The following ADAMTSL4 variants were observed in gnomAD, a reference collection of about 807,000 sequenced individuals.
ADAMTSL4 encodes the protein ADAMTS-like protein 4.
Under a neutral mutation model 122.8 loss-of-function variants are expected in ADAMTSL4, and 97 were observed. The ratio of observed to expected loss-of-function variants is 0.79; its 90% CI spans 0.67 to 0.93. The LOEUF is 0.93. ADAMTSL4 is among the 40% of genes least tolerant of loss of function. The probability of loss-of-function intolerance (pLI) is 0.00; values close to 1 mark genes in which losing one functional copy is unlikely to be tolerated. For missense variants in ADAMTSL4, 1,408 were observed against 1,453.5 expected (o/e 0.97, Z 0.51); for synonymous variants, 592 against 568.0 (o/e 1.04, Z -0.60).
intron 15 of ADAMTSL4, 33 bp downstream of exon 15, chr1:150,558,682 C>T (rs759339147): frequency 1.2e-6 from 2 of 1,613,864 alleles, no homozygotes. Flanking sequence ...TATCCTGCAT[C>T]CTGGGTAACC....
rs769159437 is a variant in ADAMTSL4, at chr1:150,554,154, C to T, written c.1131+32C>T. 24 of 1,595,846 alleles carry T rather than the reference C, an allele frequency of 1.5e-5. No individual in the cohort carries two copies. The highest frequency in any genetic ancestry group is 2.7e-5 in the African/African-American group (2 of 74,944). ...CTCCTCGGGCCTCCCCTCCCAACCC[C>T]GACCTCCAGTGTGGCTTCCCTGCCC... On this transcript the variant is annotated intron_variant, in intron 6 of 18. Coordinates refer to ENST00000271643, the MANE Select transcript of ADAMTSL4 (RefSeq NM_019032.6). This position sits in a 1 kb window ranked among gnomAD's most constrained non-coding sequence, Gnocchi z 4.0.
intron 13 of ADAMTSL4, 116 bp downstream of exon 13, chr1:150,557,739 C>T: frequency 7.2e-7 from 1 of 1,379,784 alleles, no homozygotes; most frequent in Non-Finnish European, 9.8e-7. Flanking sequence ...AGAGAGACAA[C>T]ATTAGATTAG....
rs1324203651 is a variant in ADAMTSL4 at position 150,554,643 on chromosome 1, T to A, written c.1234+176T>A. The A allele has an allele frequency of 6.5e-7, 1 of 1,541,156 alleles. No homozygotes were observed. Among genetic ancestry groups the A allele is most frequent in the Non-Finnish European group, 8.7e-7 (1 of 1,146,878 alleles). Reference sequence around the variant, plus strand: ...AGGAGACAGCACAGGTGGTGAGTGGTCTGCAGAAGGGTCGGGGTGGGAGGA... The same window carrying A: ...AGGAGACAGCACAGGTGGTGAGTGGACTGCAGAAGGGTCGGGGTGGGAGGA... On this transcript the variant is annotated intron_variant, in intron 7 of 18. Transcript: ENST00000271643. The surrounding 1 kb of genome is among the most constrained non-coding windows in gnomAD (Gnocchi z 4.0).
In ADAMTSL4 at chr1:150,558,525, G is replaced by C; in HGVS notation, c.2435G>C (p.Gly812Ala). ...AGAAGCCGGCAGGTTCGCTGTGTTG[G>C]GAACAATGGTGATGAAGTGAGCGAG... The part of the protein sequence containing the change: ...GQRSRQVRCV[G>A]NNGDEVSEQE... Residue 812 changes from glycine (G) to alanine (A), a missense_variant, in exon 15 of 19, where the codon GGG becomes GCG. Transcript: ENST00000271643. 1 of 1,613,872 alleles carries C rather than the reference G, an allele frequency of 6.2e-7. No individual in the cohort carries two copies. Among genetic ancestry groups the C allele is most frequent in the Non-Finnish European group, 8.5e-7 (1 of 1,179,984 alleles).
At position 150,558,902 on chromosome 1, in the gene ADAMTSL4, A is replaced by G. The variant is rs989414572; in HGVS notation, c.2560-60A>G. 9 of 1,549,452 alleles carry G rather than the reference A, an allele frequency of 5.8e-6. No homozygotes were observed. In the African/African-American group the frequency reaches 1.2e-4, roughly 21 times the overall value. ...AGGATGCGTCCCTCCCTGCCCCCCT[A>G]CTGTCCCTTGTGCCAGTCACCAGCA... On this transcript the variant is annotated intron_variant, in intron 15 of 18. Transcript: ENST00000271643.
chr1:150,560,451 G>A lies in ADAMTSL4; in HGVS notation c.*255G>A. 4 of 575,004 alleles carry A rather than the reference G, an allele frequency of 7.0e-6. No homozygotes were observed. The highest frequency in any genetic ancestry group is 3.0e-5 in the Admixed American group (1 of 32,934). 35.6% of individuals were successfully genotyped at this position (575,004 alleles called of 1,614,324 possible). A position where few individuals can be genotyped will look rare whatever the true frequency, so the allele number is the denominator to read the frequency against. ...TGCATGGATATGTGTGTGCTCAAAC[G>A]TGTATCACTTTTCAAAAAGAGGTTA... On this transcript the variant is annotated 3_prime_UTR_variant, in exon 19 of 19. Coordinates refer to ENST00000271643, the MANE Select transcript of ADAMTSL4 (RefSeq NM_019032.6).
In ADAMTSL4 at chr1:150,559,466, A is replaced by G; in HGVS notation, c.2943A>G (p.Pro981=). Residue 981 remains proline (P), a splice_region_variant and synonymous_variant, in exon 17 of 19, where the codon CCA becomes CCG. Coordinates refer to ENST00000271643, the MANE Select transcript of ADAMTSL4 (RefSeq NM_019032.6). This position sits in a 1 kb window ranked among gnomAD's most constrained non-coding sequence, Gnocchi z 4.1. ...GATGGTTTTCCACGCCCTGGAGCCC[A>G]GTGAGTGTCTGGCTGCGCTGTCCTG... ...QDRWFSTPWS[P]CSRSCQGGTQ... 2 of 1,613,118 alleles carry G rather than the reference A, an allele frequency of 1.2e-6. No individual in the cohort carries two copies. The highest frequency in any genetic ancestry group is 1.7e-6 in the Non-Finnish European group (2 of 1,179,938).
rs760191080 is a variant in ADAMTSL4 at position 150,559,493 on chromosome 1, C to T, written c.2943+27C>T. On this transcript the variant is annotated intron_variant, in intron 17 of 18. Coordinates refer to ENST00000271643, the MANE Select transcript of ADAMTSL4 (RefSeq NM_019032.6). This position sits in a 1 kb window ranked among gnomAD's most constrained non-coding sequence, Gnocchi z 4.1. Reference sequence around the variant, plus strand: ...TGAGTGTCTGGCTGCGCTGTCCTGCCCTGCTCAGCCTGGGCCCCTAGGGGA... The same window carrying T: ...TGAGTGTCTGGCTGCGCTGTCCTGCTCTGCTCAGCCTGGGCCCCTAGGGGA... 16 of 1,611,784 alleles carry T rather than the reference C, an allele frequency of 9.9e-6. No homozygotes were observed. In the South Asian group the frequency reaches 1.4e-4, roughly 14 times the overall value.
Position 150,556,587 on chromosome 1 carries a change from TG to T in ADAMTSL4, c.1577-32del, listed in dbSNP as rs1672148009. 3.1e-6 allele frequency: 5 copies of T among 1,613,634 alleles called. No homozygotes were observed. In the East Asian group the frequency reaches 8.9e-5, roughly 29 times the overall value. Reference sequence around the variant, plus strand: ...TGGGAGGAGGAAGGTATTATCACCCTGGAATTTCCCGATCTCTCACCTCTGA... The same window carrying T: ...TGGGAGGAGGAAGGTATTATCACCCTGAATTTCCCGATCTCTCACCTCTGA... On this transcript the variant is annotated intron_variant, in intron 9 of 18. Coordinates refer to ENST00000271643, the MANE Select transcript of ADAMTSL4 (RefSeq NM_019032.6). This position sits in a 1 kb window ranked among gnomAD's most constrained non-coding sequence, Gnocchi z 4.1.
Position 150,559,165 on chromosome 1 carries a change from G to A in ADAMTSL4, c.2763G>A (p.Glu921=), listed in dbSNP as rs1030644748. ...GCTGGTACACAGGGCCCTGGGGTGA[G>A]GTAAGCTGAGCGCCTGCTGAGAGCA... is the stretch of plus-strand genomic sequence containing the variant. ...TWRWYTGPWG[E]CSSECGSGTQ... Residue 921 remains glutamate, a splice_region_variant and synonymous_variant, in exon 16 of 19, where the codon GAG becomes GAA. Transcript: ENST00000271643. This position sits in a 1 kb window ranked among gnomAD's most constrained non-coding sequence, Gnocchi z 4.1. The A allele has an allele frequency of 1.2e-6, 2 of 1,612,146 alleles. No individual in the cohort carries two copies. The highest frequency in any genetic ancestry group is 2.7e-5 in the African/African-American group (2 of 74,870).
In ADAMTSL4 at chr1:150,559,665, C is replaced by G; in HGVS notation, c.2944-96C>G. 1 of 1,601,426 alleles carries G rather than the reference C, an allele frequency of 6.2e-7. No individual in the cohort carries two copies. Among genetic ancestry groups the G allele is most frequent in the Non-Finnish European group, 8.5e-7 (1 of 1,173,624 alleles). On this transcript the variant is annotated intron_variant, in intron 17 of 18. Coordinates refer to ENST00000271643, the MANE Select transcript of ADAMTSL4 (RefSeq NM_019032.6). The surrounding 1 kb of genome is among the most constrained non-coding windows in gnomAD (Gnocchi z 4.1). ...GATTTCACAATGTCCTAGGAGGGTC[C>G]CCACCACCACCTTTTGGGGAGAGAG... is the stretch of plus-strand genomic sequence containing the variant.
In ADAMTSL4 at chr1:150,556,477, C is replaced by T. The variant is rs1672134354; in HGVS notation, c.1576+111C>T. 1.3e-6 allele frequency: 2 copies of T among 1,562,002 alleles called. No individual in the cohort carries two copies. Among genetic ancestry groups the T allele is most frequent in the South Asian group, 1.1e-5 (1 of 88,788 alleles). ...GGGGAAGTCCAGGGCCTAGCCCCTCCCCTCGTGGAAGGAGTGAGGAAGCTG... is the reference window on the plus strand; with the variant it reads ...GGGGAAGTCCAGGGCCTAGCCCCTCTCCTCGTGGAAGGAGTGAGGAAGCTG... On this transcript the variant is annotated intron_variant, in intron 9 of 18. Transcript: ENST00000271643. The surrounding 1 kb of genome is among the most constrained non-coding windows in gnomAD (Gnocchi z 4.1).
In ADAMTSL4 at chr1:150,557,489, C is replaced by G; in HGVS notation, c.2048-5C>G. The G allele has an allele frequency of 6.2e-7, 1 of 1,613,190 alleles. No homozygotes were observed. Among genetic ancestry groups the G allele is most frequent in the Non-Finnish European group, 8.5e-7 (1 of 1,179,962 alleles). On this transcript the variant is annotated splice_region_variant and splice_polypyrimidine_tract_variant and intron_variant, in intron 12 of 18. Coordinates refer to ENST00000271643, the MANE Select transcript of ADAMTSL4 (RefSeq NM_019032.6). Reference sequence around the variant, plus strand: ...GCCTCCCTGGCTGCCTTCTCACCCACTCAGGTGTCTGGCGCCCCATTTTCC... The same window carrying G: ...GCCTCCCTGGCTGCCTTCTCACCCAGTCAGGTGTCTGGCGCCCCATTTTCC...
Position 150,554,753 on chromosome 1 carries a change from G to A in ADAMTSL4, c.1234+286G>A, listed in dbSNP as rs1212631765. On this transcript the variant is annotated intron_variant, in intron 7 of 18. Transcript: ENST00000271643. This position sits in a 1 kb window ranked among gnomAD's most constrained non-coding sequence, Gnocchi z 4.0. The stretch of plus-strand genomic sequence containing the variant: ...GGTGGCTGTGACACAAGAGGGCCAT[G>A]GTGGGAGAGATCCTGTCCAGCCGTG... 3 of 1,209,270 alleles carry A rather than the reference G, an allele frequency of 2.5e-6. No homozygotes were observed. The highest frequency in any genetic ancestry group is 3.4e-6 in the Non-Finnish European group (3 of 870,476). The allele number at this position is 1,209,270 out of a possible 1,614,324, so 74.9% of individuals were successfully genotyped here.
At chr1:150,551,063 A>G (rs760182318) in intron 2 of ADAMTSL4, 12 of 453,434 alleles carry the variant, frequency 2.6e-5, no homozygotes, top group Non-Finnish European at 5.3e-5. Context: ...CAAAGTGAGA[A>G]GAAGGGGGCA....
chr1:150,557,466 C>T, intron 12 of ADAMTSL4, 28 bp from the exon 13 acceptor site: 1 of 1,613,080 alleles, frequency 6.2e-7, no homozygotes, highest in East Asian at 2.2e-5. Flanking sequence ...AGCCTCCTGC[C>T]TCCCTGGCTG....
rs753569246 is a variant in ADAMTSL4, at chr1:150,557,612, A to T, written c.2166A>T (p.Pro722=). The T allele has an allele frequency of 6.3e-7, 1 of 1,599,840 alleles. No homozygotes were observed. The highest frequency in any genetic ancestry group is 1.7e-5 in the Admixed American group (1 of 57,920). The change falls in exon 13 of 19, where the codon CCA becomes CCT. Residue 722 remains proline (P), a synonymous_variant. Coordinates refer to ENST00000271643, the MANE Select transcript of ADAMTSL4 (RefSeq NM_019032.6). ...PASPEPCHGT[P]CPPYWEAGEW... ...CCCCTGAACCCTGCCACGGCACCCC[A>T]TGCCCCCCATAGTGAGTATGGGGGA...
At position 150,554,695 on chromosome 1, in the gene ADAMTSL4, G is replaced by A. The variant is rs1333276828; in HGVS notation, c.1234+228G>A. ...GAGGTGTGGGAGACACGCTTTGTCC[G>A]GACTCCCCTGGGAAGGCCATCACTG... On this transcript the variant is annotated intron_variant, in intron 7 of 18. Coordinates refer to ENST00000271643, the MANE Select transcript of ADAMTSL4 (RefSeq NM_019032.6). The surrounding 1 kb of genome is among the most constrained non-coding windows in gnomAD (Gnocchi z 4.0). The A allele has an allele frequency of 5.4e-5, 82 of 1,519,112 alleles. 1 individual carries two copies. The highest frequency in any genetic ancestry group is 1.8e-4 in the Middle Eastern group (1 of 5,570). The allele number at this position is 1,519,112 out of a possible 1,614,324, so 94.1% of individuals were successfully genotyped here.
In ADAMTSL4 at chr1:150,559,511, C is replaced by T; in HGVS notation, c.2943+45C>T. 1 of 1,609,832 alleles carries T rather than the reference C, an allele frequency of 6.2e-7. No individual in the cohort carries two copies. On this transcript the variant is annotated intron_variant, in intron 17 of 18. Transcript: ENST00000271643. The surrounding 1 kb of genome is among the most constrained non-coding windows in gnomAD (Gnocchi z 4.1). ...GTCCTGCCCTGCTCAGCCTGGGCCCCTAGGGGAGGGGAGCTCCTCTCGCTG... is the reference window on the plus strand; with the variant it reads ...GTCCTGCCCTGCTCAGCCTGGGCCCTTAGGGGAGGGGAGCTCCTCTCGCTG...
Sources: allele counts gnomAD v4.1 joint callset, GRCh38; gene constraint gnomAD v4.1.1; non-coding constraint Gnocchi (gnomAD v3.1); transcripts MANE v1.5; gene names NCBI Gene and HGNC (gene_info 2026-07-23, HGNC 2026-07-21).